The following USP10 variants were observed in gnomAD, a reference collection of about 807,000 sequenced individuals.
USP10 encodes ubiquitin specific peptidase 10, also known as ubiquitin carboxyl-terminal hydrolase 10.
A neutral mutation model predicts 84.5 loss-of-function variants in USP10; 22 were observed. The observed-to-expected ratio is 0.26, with a 90% confidence interval of 0.19 to 0.37. USP10 has a LOEUF of 0.37. Ranked by LOEUF, USP10 falls within the 10% of genes least tolerant of loss-of-function variation. The pLI is 1.00. For missense variants in USP10, 1,019 were observed against 998.9 expected, an observed-to-expected ratio of 1.02 and a Z score of -0.27; for synonymous variants, 454 against 387.6, an observed-to-expected ratio of 1.17 and a Z score of -2.01.
chr16:84,733,989 C>G (rs944873445), intron 2 of USP10, among the ~76,000 whole-genome samples: 1 of 152,192 alleles, frequency 6.6e-6, no homozygotes, highest in African/African-American at 2.4e-5. Context: ...GTGCTCAGTA[C>G]CACTGATTGA....
intron 4 of USP10, among the ~76,000 whole-genome samples, chr16:84,758,314 C>CT (rs143234385): frequency 6.6e-6 from 1 of 152,292 alleles, no homozygotes; most frequent in East Asian, 1.9e-4. Context: ...AGATATCTTT[C>CT]TATCTAGTGT....
chr16:84,740,442 A>G (rs1910494001), intron 3 of USP10, 73 bp downstream of exon 3: 3 of 1,227,212 alleles, frequency 2.4e-6, no homozygotes, highest in Admixed American at 4.1e-5. Flanking sequence ...CTACCTGTAA[A>G]CATTGTTTCC....
At chr16:84,714,299 AG>A (rs1209890680) in intron 1 of USP10, among the ~76,000 whole-genome samples, 6 of 152,178 alleles carry the variant, frequency 3.9e-5, no homozygotes, top group Admixed American at 3.9e-4. Flanking sequence ...ACACTTGTTT[AG>A]TAAAATGTTT....
At chr16:84,714,931 TA>T (rs574585894) in intron 1 of USP10, among the ~76,000 whole-genome samples, 2,498 of 146,824 alleles carry the variant, frequency 0.017, 71 homozygotes, top group African/African-American at 0.058. Context: ...TTATTATTAT[TA>T]TTATTTTTTT....
intron 2 of USP10, 21 bp downstream of exon 2, chr16:84,733,524 A>G (rs752507493): frequency 6.4e-7 from 1 of 1,571,882 alleles, no homozygotes; most frequent in Admixed American, 1.7e-5. Flanking sequence ...ACTTTGTTTT[A>G]GTGAGTCCGT....
At chr16:84,706,614 C>T (rs1217976798) in intron 1 of USP10, among the ~76,000 whole-genome samples, 1 of 151,514 alleles carries the variant, frequency 6.6e-6, no homozygotes, top group Non-Finnish European at 1.5e-5. Context: ...AATCTCGGCT[C>T]ACTGCAAGCT....
At chr16:84,776,032 G>A (rs147246334) in intron 13 of USP10, among the ~76,000 whole-genome samples, 57 of 152,138 alleles carry the variant, frequency 3.7e-4, no homozygotes, top group African/African-American at 1.3e-3. Flanking sequence ...TGTTTGTATC[G>A]TAACATAACA....
chr16:84,712,154 G>C (rs980461241), intron 1 of USP10, among the ~76,000 whole-genome samples: 1 of 152,162 alleles, frequency 6.6e-6, no homozygotes, highest in Non-Finnish European at 1.5e-5. Flanking sequence ...GAAAGAAATC[G>C]CAGTATTTTG....
At chr16:84,749,464 A>G (rs1469046852) in intron 4 of USP10, among the ~76,000 whole-genome samples, 1 of 152,110 alleles carries the variant, frequency 6.6e-6, no homozygotes, top group Non-Finnish European at 1.5e-5. Context: ...TAGACATTAA[A>G]TGTATTCCTT....
chr16:84,717,775 C>T (rs1907239833), intron 1 of USP10, among the ~76,000 whole-genome samples: 1 of 152,138 alleles, frequency 6.6e-6, no homozygotes, highest in Admixed American at 6.5e-5. Context: ...CTTCTACTGC[C>T]TTTGATTCAT....
chr16:84,747,232 CTGTT>C (rs1017525193), intron 4 of USP10, among the ~76,000 whole-genome samples: 2 of 152,166 alleles, frequency 1.3e-5, no homozygotes, highest in African/African-American at 4.8e-5. Flanking sequence ...TTAAAATAAG[CTGTT>C]TGGTTTAGGC....
intron 6 of USP10, 74 bp downstream of exon 6, chr16:84,759,546 G>GGAAATCAAGAGCTTTAC: frequency 7.3e-7 from 1 of 1,375,924 alleles, no homozygotes; most frequent in Non-Finnish European, 1.0e-6. Context: ...AAATAGTTTA[G>GGAAATCAAGAGCTTTAC]TAAAGCTCTT....
chr16:84,777,148 G>A (rs55638897), intron 13 of USP10, among the ~76,000 whole-genome samples: 4 of 152,072 alleles, frequency 2.6e-5, no homozygotes, highest in African/African-American at 7.2e-5. Flanking sequence ...GCAATCTCGC[G>A]CACAAGCTTT....
chr16:84,759,621 A>G, intron 6 of USP10, 149 bp downstream of exon 6: 1 of 780,910 alleles, frequency 1.3e-6, no homozygotes, highest in Non-Finnish European at 2.1e-6. Flanking sequence ...GCGATTTTAT[A>G]TGGAAGTTAA....
At chr16:84,777,590 G>T (rs908824884) in intron 13 of USP10, among the ~76,000 whole-genome samples, 2 of 152,140 alleles carry the variant, frequency 1.3e-5, no homozygotes, top group African/African-American at 4.8e-5. Flanking sequence ...TCCCTATGCT[G>T]TTCAGTCTCC....
chr16:84,737,021 C>G (rs939828721), intron 2 of USP10, among the ~76,000 whole-genome samples: 6 of 152,348 alleles, frequency 3.9e-5, no homozygotes, highest in African/African-American at 1.4e-4. Context: ...ATCTCCTGAC[C>G]TCGTGGTCTG....
intron 1 of USP10, among the ~76,000 whole-genome samples, chr16:84,712,366 G>A (rs973094057): frequency 2.0e-5 from 3 of 152,194 alleles, no homozygotes; most frequent in Non-Finnish European, 1.5e-5. Context: ...CCGCTGGCCT[G>A]GCTGCTCTTT....
At chr16:84,776,000 CTGGTGTGGCCTT>C in intron 13 of USP10, among the ~76,000 whole-genome samples, 1 of 152,302 alleles carries the variant, frequency 6.6e-6, no homozygotes, top group South Asian at 2.1e-4. Context: ...CTTCCCTCCT[CTGGTGTGGCCTT>C]TGGTGAACCT....
intron 1 of USP10, among the ~76,000 whole-genome samples, chr16:84,718,329 C>G (rs1245197153): frequency 6.6e-6 from 1 of 152,226 alleles, no homozygotes; most frequent in Non-Finnish European, 1.5e-5. Flanking sequence ...TCATGGCTCA[C>G]TGCAGCCTCA....
Sources: allele counts gnomAD v4.1 joint callset (sites outside exome capture counted in the v4.1 genomes callset), GRCh38; gene constraint gnomAD v4.1.1; transcripts MANE v1.5; gene names NCBI Gene and HGNC (gene_info 2026-07-23, HGNC 2026-07-21).